Variants in CADM2 observed in about 807,000 individuals in gnomAD.
CADM2 encodes cell adhesion molecule 2, also known as immunoglobulin superfamily member 4D.
CADM2 carries 12 observed loss-of-function variants against 49.8 expected under a neutral mutation model. That is an observed-to-expected ratio of 0.24 (90% CI 0.15 to 0.39). CADM2 has a LOEUF of 0.39. CADM2 is among the 10% of genes least tolerant of loss of function. The pLI is 1.00. For missense variants in CADM2, 378 were observed against 492.3 expected (o/e 0.77, Z 2.20); for synonymous variants, 214 against 175.4 (o/e 1.22, Z -1.74).
rs142609077 is a variant in CADM2 at position 85,661,207 on chromosome 3, T to C, written c.62-65315T>C. ...AACATCAACACATAGGCTTTCTTTT[T>C]TGGTATTTTGGAGGTATCCTGAGTG... On this transcript the variant is annotated intron_variant, in intron 1 of 9. Coordinates refer to ENST00000383699, the MANE Select transcript of CADM2 (RefSeq NM_001167675.2). Among the ~76,000 whole-genome samples the C allele has an allele frequency of 2.7e-3, 416 of 152,166 alleles. 1 individual carries two copies. The highest frequency in any genetic ancestry group is 6.1e-3 in the Admixed American group (93 of 15,246).
Position 85,915,452 on chromosome 3 carries a change from C to T in CADM2, c.700+2909C>T, listed in dbSNP as rs989477420. Among the ~76,000 whole-genome samples, 11 of 152,088 alleles carry T rather than the reference C, an allele frequency of 7.2e-5. No individual in the cohort carries two copies. In the East Asian group the frequency reaches 1.7e-3, roughly 24 times the overall value. On this transcript the variant is annotated intron_variant, in intron 6 of 9. Coordinates refer to ENST00000383699, the MANE Select transcript of CADM2 (RefSeq NM_001167675.2). ...TGATAATGCTAAATGTTTCTTTAAGCGTGCAGAACATTCTCCGGAGATTAA... is the reference window on the plus strand; with the variant it reads ...TGATAATGCTAAATGTTTCTTTAAGTGTGCAGAACATTCTCCGGAGATTAA...
intron 1 of CADM2, among the ~76,000 whole-genome samples, chr3:85,371,988 T>C (rs1441786273): frequency 6.6e-6 from 1 of 151,784 alleles, no homozygotes; most frequent in African/African-American, 2.4e-5. Context: ...TTGTTCTCTC[T>C]GTCTCCTCTA....
At chr3:85,117,750 A>T (rs2038694415) in intron 1 of CADM2, among the ~76,000 whole-genome samples, 2 of 152,184 alleles carry the variant, frequency 1.3e-5, no homozygotes, top group African/African-American at 4.8e-5. Context: ...TTTGTAAGGA[A>T]GTCTAGAATA....
intron 1 of CADM2, among the ~76,000 whole-genome samples, chr3:85,567,042 A>C (rs1443641519): frequency 6.6e-6 from 1 of 152,168 alleles, no homozygotes; most frequent in African/African-American, 2.4e-5. Flanking sequence ...TAGTCAAGTA[A>C]ACCTGGGTTT....
chr3:85,899,705 C>T (rs1424823917), intron 5 of CADM2, among the ~76,000 whole-genome samples: 1 of 152,006 alleles, frequency 6.6e-6, no homozygotes, highest in African/African-American at 2.4e-5. Context: ...TTATGTTTTT[C>T]CTGTTTATTG....
intron 8 of CADM2, among the ~76,000 whole-genome samples, chr3:86,051,124 A>G (rs1389008414): frequency 6.6e-6 from 1 of 152,148 alleles, no homozygotes; most frequent in Non-Finnish European, 1.5e-5. Flanking sequence ...ATGAGATAGG[A>G]TGTTAGAAGC....
intron 8 of CADM2, among the ~76,000 whole-genome samples, chr3:86,033,827 T>C (rs994702638): frequency 3.4e-5 from 5 of 147,106 alleles, no homozygotes; most frequent in African/African-American, 1.2e-4. Flanking sequence ...ATTATATATA[T>C]TTATATACTG....
chr3:85,224,188 C>T (rs961051919), intron 1 of CADM2, among the ~76,000 whole-genome samples: 3 of 152,126 alleles, frequency 2.0e-5, no homozygotes, highest in African/African-American at 4.8e-5. Context: ...TGCTGTCTTC[C>T]ACAATGGTGG....
chr3:84,972,139 T>C (rs973166499), intron 1 of CADM2, among the ~76,000 whole-genome samples: 3 of 152,230 alleles, frequency 2.0e-5, no homozygotes, highest in Non-Finnish European at 2.9e-5. Context: ...CTCACTGGCC[T>C]TGAGCAAGTT....
At chr3:85,520,673 T>A (rs1328814002) in intron 1 of CADM2, among the ~76,000 whole-genome samples, 3 of 152,046 alleles carry the variant, frequency 2.0e-5, no homozygotes, top group African/African-American at 7.2e-5. Flanking sequence ...CTAGCTTATA[T>A]CAGAGAGGAA....
intron 1 of CADM2, among the ~76,000 whole-genome samples, chr3:85,238,573 A>G (rs957817180): frequency 6.6e-6 from 1 of 151,560 alleles, no homozygotes; most frequent in Non-Finnish European, 1.5e-5. Context: ...GGAAAAGTCA[A>G]CTAGCCAGAT....
Position 86,069,832 on chromosome 3 carries a change from C to A in CADM2, c.*3049C>A, listed in dbSNP as rs575357387. 2.6e-5 allele frequency: 4 copies of A among 152,060 alleles called. No homozygotes were observed. The South Asian group carries it at 8.3e-4, about 31-fold the overall frequency. The allele number at this position is 152,060 out of a possible 1,614,324, so 9.4% of individuals were successfully genotyped here. On this transcript the variant is annotated 3_prime_UTR_variant, in exon 10 of 10. Transcript: ENST00000383699. Reference sequence around the variant, plus strand: ...CAAGTCTAAGCGGCATTTTACTTTTCTTTTCTTTTTTATTTTCCATTTTTG... The same window carrying A: ...CAAGTCTAAGCGGCATTTTACTTTTATTTTCTTTTTTATTTTCCATTTTTG...
At chr3:85,375,665 A>G (rs1199420418) in intron 1 of CADM2, among the ~76,000 whole-genome samples, 1 of 152,194 alleles carries the variant, frequency 6.6e-6, no homozygotes, top group African/African-American at 2.4e-5. Flanking sequence ...AAACGAACAC[A>G]TTTTGAATCA....
chr3:84,993,643 T>C (rs968134513), intron 1 of CADM2, among the ~76,000 whole-genome samples: 2 of 152,168 alleles, frequency 1.3e-5, no homozygotes, highest in African/African-American at 4.8e-5. Context: ...GAGTTAAAAT[T>C]TGAAAGCCAT....
intron 1 of CADM2, among the ~76,000 whole-genome samples, chr3:85,149,805 A>T (rs898655876): frequency 6.6e-6 from 1 of 152,246 alleles, no homozygotes; most frequent in African/African-American, 2.4e-5. Context: ...TAACACAACT[A>T]GTTCAAATCG....
intron 1 of CADM2, among the ~76,000 whole-genome samples, chr3:85,161,072 A>G (rs954554145): frequency 6.6e-6 from 1 of 152,156 alleles, no homozygotes; most frequent in Admixed American, 6.5e-5. Flanking sequence ...TATTTGTTCT[A>G]TTGGTCACAT....
intron 1 of CADM2, among the ~76,000 whole-genome samples, chr3:85,438,157 A>G (rs963491706): frequency 6.6e-6 from 1 of 152,074 alleles, no homozygotes; most frequent in Non-Finnish European, 1.5e-5. Flanking sequence ...CTTTGATCAT[A>G]TTTCTAATCA....
chr3:85,347,829 A>T (rs1427922852), intron 1 of CADM2, among the ~76,000 whole-genome samples: 3 of 147,908 alleles, frequency 2.0e-5, no homozygotes, highest in African/African-American at 7.6e-5. Context: ...TTTTTTTAAG[A>T]TGGAGTCTCG....
At chr3:85,375,772 A>G (rs1015698079) in intron 1 of CADM2, among the ~76,000 whole-genome samples, 20 of 152,264 alleles carry the variant, frequency 1.3e-4, no homozygotes, top group South Asian at 1.0e-3. Flanking sequence ...TTGGTTCCCA[A>G]TTATTTCTCC....
Sources: gnomAD v4.1 joint callset for allele counts (sites outside exome capture counted in the v4.1 genomes callset) on GRCh38, gnomAD v4.1.1 for gene constraint, MANE v1.5 for transcripts, NCBI Gene and HGNC (gene_info 2026-07-23, HGNC 2026-07-21) for gene names.